The following CHRNA7 variants were observed in gnomAD, a reference collection of about 807,000 sequenced individuals.
The protein encoded by CHRNA7 is cholinergic receptor nicotinic alpha 7 subunit.
In CHRNA7, 17 loss-of-function variants were observed where a neutral mutation model predicts 48.0. The observed-to-expected ratio is 0.35, with a 90% CI of 0.24 to 0.53. CHRNA7 has a LOEUF of 0.53. Ranked by LOEUF, CHRNA7 falls within the 20% of genes least tolerant of loss-of-function variation. The pLI, the probability that CHRNA7 is intolerant of heterozygous loss-of-function variation, is 0.92. For synonymous variants in CHRNA7, 75 were observed against 242.3 expected (o/e 0.31, Z 6.41); for missense variants, 155 against 577.7 (o/e 0.27, Z 7.50).
intron 2 of CHRNA7, among the ~76,000 whole-genome samples, chr15:32,097,339 A>G (rs1010646958): frequency 1.3e-5 from 2 of 151,998 alleles, no homozygotes; most frequent in Admixed American, 6.5e-5. Context: ...CACTAAATGC[A>G]TATGTTGAGA....
chr15:32,062,961 C>G (rs779255351), intron 2 of CHRNA7, among the ~76,000 whole-genome samples: 5 of 152,168 alleles, frequency 3.3e-5, no homozygotes, highest in Non-Finnish European at 2.9e-5. Flanking sequence ...GGCTATAAAC[C>G]TGTACAGCAT....
chr15:32,101,141 C>T (rs2050563109), intron 2 of CHRNA7, 162 bp from the exon 3 acceptor site: 1 of 652,294 alleles, frequency 1.5e-6, no homozygotes, highest in Non-Finnish European at 2.6e-6. Context: ...AAAAGCTTAA[C>T]TCTAGGGAAA....
At chr15:32,035,880 T>C (rs757574204) in intron 2 of CHRNA7, among the ~76,000 whole-genome samples, 3 of 152,160 alleles carry the variant, frequency 2.0e-5, no homozygotes, top group Non-Finnish European at 4.4e-5. Flanking sequence ...CATTCCCCAC[T>C]AGAGTAGTAT....
intron 2 of CHRNA7, among the ~76,000 whole-genome samples, chr15:32,055,382 T>G (rs1286207824): frequency 1.3e-5 from 2 of 152,208 alleles, no homozygotes; most frequent in African/African-American, 4.8e-5. Flanking sequence ...AGAAATTTAT[T>G]TCTCATAGTT....
At chr15:32,086,854 T>A (rs2050305676) in intron 2 of CHRNA7, among the ~76,000 whole-genome samples, 1 of 152,216 alleles carries the variant, frequency 6.6e-6, no homozygotes, top group Non-Finnish European at 1.5e-5. Context: ...CAGAGTATTA[T>A]ATGTTATCAT....
chr15:32,125,089 A>G (rs1374649935), intron 4 of CHRNA7, among the ~76,000 whole-genome samples: 1 of 152,226 alleles, frequency 6.6e-6, no homozygotes. Flanking sequence ...AAAGATATCT[A>G]AATATTACGA....
At chr15:32,112,459 A>G (rs2050778916) in intron 4 of CHRNA7, 1 of 416,356 alleles carries the variant, frequency 2.4e-6, no homozygotes, top group Non-Finnish European at 4.9e-6. Context: ...AGGTCAGGAA[A>G]TAAGGGACAC....
chr15:32,151,135 T>C (rs2051620232), intron 4 of CHRNA7, among the ~76,000 whole-genome samples: 1 of 152,152 alleles, frequency 6.6e-6, no homozygotes, highest in Admixed American at 6.6e-5. Flanking sequence ...CTAGAGTTTC[T>C]GGTTGCCTTT....
chr15:32,097,104 G>C (rs562623347), intron 2 of CHRNA7, among the ~76,000 whole-genome samples: 2 of 152,122 alleles, frequency 1.3e-5, no homozygotes, highest in African/African-American at 2.4e-5. Context: ...TAGCAGACAG[G>C]GCAGCTGTTT....
intron 3 of CHRNA7, among the ~76,000 whole-genome samples, chr15:32,104,781 A>G (rs1287502061): frequency 6.6e-6 from 1 of 152,190 alleles, no homozygotes; most frequent in Non-Finnish European, 1.5e-5. Context: ...CTGTGTGTAT[A>G]AGGCCAGGCT....
chr15:32,151,562 G>A (rs1205100596), intron 4 of CHRNA7, among the ~76,000 whole-genome samples: 1 of 152,036 alleles, frequency 6.6e-6, no homozygotes, highest in South Asian at 2.1e-4. Flanking sequence ...TTCTGTGAGT[G>A]AGGCGAGTTC....
At chr15:32,134,884 A>C (rs1462615573) in intron 4 of CHRNA7, among the ~76,000 whole-genome samples, 3 of 152,266 alleles carry the variant, frequency 2.0e-5, no homozygotes, top group Non-Finnish European at 4.4e-5. Flanking sequence ...TTGAAGGAGC[A>C]GAGGCAGTTT....
At chr15:32,090,977 C>T (rs1201497882) in intron 2 of CHRNA7, among the ~76,000 whole-genome samples, 1 of 152,114 alleles carries the variant, frequency 6.6e-6, no homozygotes, top group Non-Finnish European at 1.5e-5. Context: ...CTGTCTTCAG[C>T]TTACTAATTA....
In CHRNA7 at chr15:32,083,291, C is replaced by A. The variant is rs371283017; in HGVS notation, c.196-18012C>A. Among the ~76,000 whole-genome samples the A allele has an allele frequency of 6.2e-4, 95 of 152,272 alleles. No individual in the cohort carries two copies. In the South Asian group the frequency reaches 0.019, roughly 30 times the overall value. On this transcript the variant is annotated intron_variant, in intron 2 of 9. Coordinates refer to ENST00000306901, the MANE Select transcript of CHRNA7 (RefSeq NM_000746.6). ...GTTAAAAAAGTGAGTTTGGTCCCCTCTTGCTCTCTCTCGAGTACTCTCTAG... is the reference window on the plus strand; with the variant it reads ...GTTAAAAAAGTGAGTTTGGTCCCCTATTGCTCTCTCTCGAGTACTCTCTAG...
chr15:32,120,469 C>A (rs1245093562), intron 4 of CHRNA7, among the ~76,000 whole-genome samples: 1 of 151,910 alleles, frequency 6.6e-6, no homozygotes, highest in African/African-American at 2.4e-5. Context: ...GTGGGGTTTA[C>A]TGTCGCCTCT....
chr15:32,119,870 G>A (rs1038190729), intron 4 of CHRNA7, among the ~76,000 whole-genome samples: 5 of 152,132 alleles, frequency 3.3e-5, no homozygotes, highest in Admixed American at 1.3e-4. Context: ...TTTGCCTCGG[G>A]CTAACTCGGA....
At chr15:32,124,499 T>C (rs1044046213) in intron 4 of CHRNA7, among the ~76,000 whole-genome samples, 6 of 152,276 alleles carry the variant, frequency 3.9e-5, no homozygotes, top group South Asian at 2.1e-4. Flanking sequence ...CCAGAAGATA[T>C]ATAGAAAGAT....
intron 2 of CHRNA7, among the ~76,000 whole-genome samples, chr15:32,086,109 C>T (rs552461609): frequency 6.6e-6 from 1 of 152,202 alleles, no homozygotes; most frequent in Non-Finnish European, 1.5e-5. Flanking sequence ...GTGGCTCACG[C>T]CTGTAATCCC....
chr15:32,068,591 TG>T (rs2050003074), intron 2 of CHRNA7, among the ~76,000 whole-genome samples: 1 of 151,882 alleles, frequency 6.6e-6, no homozygotes, highest in South Asian at 2.1e-4. Context: ...TACATGGTGG[TG>T]GGCGCCTGTA....
Sources: gnomAD v4.1 joint callset for allele counts (sites outside exome capture counted in the v4.1 genomes callset) on GRCh38, gnomAD v4.1.1 for gene constraint, MANE v1.5 for transcripts, NCBI Gene and HGNC (gene_info 2026-07-23, HGNC 2026-07-21) for gene names.